CAMK4: variants seen among roughly 807,000 people sequenced by gnomAD.
CAMK4 encodes the protein calcium/calmodulin dependent protein kinase IV.
In CAMK4, 22 loss-of-function variants were observed where a neutral mutation model predicts 44.9. The observed-to-expected ratio is 0.49, with a 90% CI of 0.35 to 0.70. The LOEUF is 0.70. Ranked by LOEUF, CAMK4 falls within the 30% of genes least tolerant of loss-of-function variation. The probability of loss-of-function intolerance (pLI) is 0.01; values close to 1 mark genes in which losing one functional copy is unlikely to be tolerated. For missense variants in CAMK4, 498 were observed against 586.8 expected (o/e 0.85, Z 1.56); for synonymous variants, 218 against 215.4 (o/e 1.01, Z -0.11).
intron 9 of CAMK4, among the ~76,000 whole-genome samples, chr5:111,478,794 G>A (rs1356701780): frequency 6.6e-6 from 1 of 152,186 alleles, no homozygotes; most frequent in Non-Finnish European, 1.5e-5. Context: ...AGAAAGCTGT[G>A]CTGGGTGAAT....
At chr5:111,400,832 C>T (rs1752196735) in intron 5 of CAMK4, among the ~76,000 whole-genome samples, 1 of 152,106 alleles carries the variant, frequency 6.6e-6, no homozygotes, top group Non-Finnish European at 1.5e-5. Context: ...GAAGGGTCAT[C>T]CTGTAGTAGC....
chr5:111,346,844 A>AACAAACAC (rs796221205), intron 2 of CAMK4, among the ~76,000 whole-genome samples: 1 of 149,390 alleles, frequency 6.7e-6, no homozygotes, highest in South Asian at 2.2e-4. Flanking sequence ...CAAACAAACA[A>AACAAACAC]AAACACTAAC....
intron 5 of CAMK4, among the ~76,000 whole-genome samples, chr5:111,401,271 C>T (rs306092): frequency 0.54 from 81,925 of 151,710 alleles, 22,897 homozygotes; most frequent in African/African-American, 0.7. Flanking sequence ...CCCAAGTAGC[C>T]GGGATTACAG....
intron 4 of CAMK4, among the ~76,000 whole-genome samples, chr5:111,392,872 A>AATAACC (rs545642409): frequency 1.3e-3 from 195 of 152,254 alleles, no homozygotes; most frequent in African/African-American, 4.5e-3. Context: ...TGGATAGTAA[A>AATAACC]ATAACCACCA....
intron 1 of CAMK4, among the ~76,000 whole-genome samples, chr5:111,266,947 C>A (rs1436124566): frequency 6.6e-6 from 1 of 152,214 alleles, no homozygotes; most frequent in African/African-American, 2.4e-5. Flanking sequence ...CAGTCGATTT[C>A]TTCTCTACTG....
chr5:111,245,170 G>C (rs948882796), intron 1 of CAMK4, among the ~76,000 whole-genome samples: 1 of 152,026 alleles, frequency 6.6e-6, no homozygotes, highest in African/African-American at 2.4e-5. Context: ...GATTCCATAA[G>C]TTATTTACAA....
chr5:111,367,511 G>C (rs1255286931), intron 2 of CAMK4, among the ~76,000 whole-genome samples: 2 of 152,100 alleles, frequency 1.3e-5, no homozygotes, highest in Non-Finnish European at 2.9e-5. Flanking sequence ...ACAAAACTCT[G>C]ATGGGCCACC....
chr5:111,249,676 G>A (rs866325153), intron 1 of CAMK4, among the ~76,000 whole-genome samples: 1,542 of 143,154 alleles, frequency 0.011, 12 homozygotes, highest in Non-Finnish European at 0.015. Context: ...ATGTGTGTGT[G>A]TGTGTGTGTG....
intron 4 of CAMK4, among the ~76,000 whole-genome samples, chr5:111,381,379 A>G (rs1182316998): frequency 1.3e-5 from 2 of 152,182 alleles, no homozygotes; most frequent in African/African-American, 4.8e-5. Flanking sequence ...GAAGCCGATA[A>G]TGCAGCCTTC....
intron 4 of CAMK4, among the ~76,000 whole-genome samples, chr5:111,381,955 C>G (rs919929702): frequency 6.8e-6 from 1 of 147,608 alleles, no homozygotes; most frequent in Non-Finnish European, 1.5e-5. Context: ...TCTTCCCAGT[C>G]GAGGCAACCA....
chr5:111,388,102 G>C (rs1292694746), intron 4 of CAMK4, among the ~76,000 whole-genome samples: 1 of 152,160 alleles, frequency 6.6e-6, no homozygotes, highest in Non-Finnish European at 1.5e-5. Context: ...TGGGAACAAA[G>C]CTCCTTTTAG....
chr5:111,263,732 A>C (rs1001135148), intron 1 of CAMK4, among the ~76,000 whole-genome samples: 1 of 152,144 alleles, frequency 6.6e-6, no homozygotes, highest in Non-Finnish European at 1.5e-5. Flanking sequence ...ATAAATTCCA[A>C]ACTCTTAACT....
intron 1 of CAMK4, among the ~76,000 whole-genome samples, chr5:111,281,922 G>C (rs1244517092): frequency 6.6e-6 from 1 of 151,856 alleles, no homozygotes; most frequent in Non-Finnish European, 1.5e-5. Context: ...GCCGGGCGAG[G>C]TGGCGGGCGC....
At chr5:111,260,777 A>AC (rs934389810) in intron 1 of CAMK4, among the ~76,000 whole-genome samples, 2 of 151,930 alleles carry the variant, frequency 1.3e-5, no homozygotes, top group Admixed American at 6.6e-5. Context: ...CCTTATCTAT[A>AC]CCCCTACTGC....
At chr5:111,370,957 G>C (rs922155948) in intron 2 of CAMK4, among the ~76,000 whole-genome samples, 1 of 151,942 alleles carries the variant, frequency 6.6e-6, no homozygotes, top group Non-Finnish European at 1.5e-5. Flanking sequence ...TGTTTTAATA[G>C]CATCTGCAGA....
chr5:111,247,429 A>G (rs2112532239), intron 1 of CAMK4, among the ~76,000 whole-genome samples: 1 of 148,118 alleles, frequency 6.8e-6, no homozygotes, highest in South Asian at 2.1e-4. Context: ...ATTTATACTT[A>G]TAGATACATA....
rs56014856 is a variant in CAMK4 at position 111,262,530 on chromosome 5, T to C, written c.161+37886T>C. On this transcript the variant is annotated intron_variant, in intron 1 of 10. Coordinates refer to ENST00000282356, the MANE Select transcript of CAMK4 (RefSeq NM_001744.6). ...AAAGTTTTCTAAAGGAAACACATTT[T>C]AAAAAGGAGGTCAGAGGCCTTAGGA... Among the ~76,000 whole-genome samples the C allele has an allele frequency of 8.6e-3, 1,317 of 152,324 alleles. 18 individuals carry two copies. The highest frequency in any genetic ancestry group is 0.03 in the African/African-American group (1,263 of 41,576).
intron 5 of CAMK4, among the ~76,000 whole-genome samples, chr5:111,424,019 C>T (rs1753124366): frequency 6.6e-6 from 1 of 152,196 alleles, no homozygotes; most frequent in Non-Finnish European, 1.5e-5. Flanking sequence ...ATGGACGAAG[C>T]AGGATTAGAA....
intron 1 of CAMK4, among the ~76,000 whole-genome samples, chr5:111,301,868 T>G (rs1747733154): frequency 1.3e-5 from 2 of 152,210 alleles, no homozygotes; most frequent in South Asian, 4.1e-4. Flanking sequence ...CGGTCATTTA[T>G]TCTCTCTACA....
Sources: allele counts gnomAD v4.1 joint callset (sites outside exome capture counted in the v4.1 genomes callset), GRCh38; gene constraint gnomAD v4.1.1; transcripts MANE v1.5; gene names NCBI Gene and HGNC (gene_info 2026-07-23, HGNC 2026-07-21).